RWDD2A: variants seen among roughly 807,000 people sequenced by gnomAD.
RWDD2A encodes the protein RWD domain-containing protein 2A.
In RWDD2A, 15 loss-of-function variants were observed where a neutral mutation model predicts 23.1. The observed-to-expected ratio is 0.65, with a 90% CI of 0.43 to 1.00. The LOEUF (loss-of-function observed/expected upper bound fraction) is 1.00, where lower values mean the gene tolerates loss of function less well. Among genes scored for constraint, RWDD2A ranks in the 50% least tolerant of loss-of-function variants. The probability of loss-of-function intolerance (pLI) is 0.00; values close to 1 mark genes in which losing one functional copy is unlikely to be tolerated. For synonymous variants in RWDD2A, 103 were observed against 123.0 expected, an observed-to-expected ratio of 0.84 and a Z score of 1.08; for missense variants, 310 against 341.7, an observed-to-expected ratio of 0.91 and a Z score of 0.73.
At position 83,197,140 on chromosome 6, in the gene RWDD2A, A is replaced by T. The variant is rs1469825347; in HGVS notation, c.*868A>T. 3 of 152,220 alleles carry T rather than the reference A, an allele frequency of 2.0e-5. No homozygotes were observed. Among genetic ancestry groups the T allele is most frequent in the Non-Finnish European group, 1.5e-5 (1 of 68,038 alleles). The allele number at this position is 152,220 out of a possible 1,614,324, so 9.4% of individuals were successfully genotyped here. ...TTCTGGCTGTTTATATCAGTTCATG[A>T]TACTAGCAATCCTGATACCAGTATT... On this transcript the variant is annotated 3_prime_UTR_variant, in exon 3 of 3. Transcript: ENST00000369724.
Position 83,196,507 on chromosome 6 carries a change from C to A in RWDD2A, c.*235C>A. 3.4e-6 allele frequency: 1 copy of A among 292,738 alleles called. No homozygotes were observed. The highest frequency in any genetic ancestry group is 5.0e-5 in the Admixed American group (1 of 19,868). 18.1% of individuals were successfully genotyped at this position (292,738 alleles called of 1,614,324 possible). The stretch of plus-strand genomic sequence containing the variant: ...GTGTGAAGTCATTCAAAAACTATTT[C>A]ATTGTAAATTAATAAAAACAATCCA... On this transcript the variant is annotated 3_prime_UTR_variant, in exon 3 of 3. Coordinates refer to ENST00000369724, the MANE Select transcript of RWDD2A (RefSeq NM_033411.5).
chr6:83,195,397 A>T (rs1041283369), intron 2 of RWDD2A, among the ~76,000 whole-genome samples, 198 bp from the exon 3 acceptor site: 6 of 152,226 alleles, frequency 3.9e-5, no homozygotes, highest in African/African-American at 1.4e-4. Flanking sequence ...TCACTTTTTT[A>T]TCCCAGCACA....
rs1013513701 is a variant in RWDD2A at position 83,198,639 on chromosome 6, A to G, written c.*2367A>G. 3.9e-5 allele frequency: 6 copies of G among 152,158 alleles called. No individual in the cohort carries two copies. The highest frequency in any genetic ancestry group is 1.2e-4 in the African/African-American group (5 of 41,432). The allele number at this position is 152,158 out of a possible 1,614,324, so 9.4% of individuals were successfully genotyped here. A position where few individuals can be genotyped will look rare whatever the true frequency, so the allele number is the denominator to read the frequency against. ...TGGGAAGAGAAAGTGATAGGAATCA[A>G]GTTGTCCTCTGGCAGCCTCCTGGAG... On this transcript the variant is annotated 3_prime_UTR_variant, in exon 3 of 3. Coordinates refer to ENST00000369724, the MANE Select transcript of RWDD2A (RefSeq NM_033411.5).
At position 83,195,804 on chromosome 6, in the gene RWDD2A, C is replaced by G. The variant is rs1327396121; in HGVS notation, c.411C>G (p.Asn137Lys). The change falls in exon 3 of 3, where the codon AAC (asparagine) becomes AAG (lysine). Residue 137 changes from asparagine to lysine, a missense_variant. Coordinates refer to ENST00000369724, the MANE Select transcript of RWDD2A (RefSeq NM_033411.5). ...LQDNSASYFL[N>K]RKLVYEPSTQ... The stretch of plus-strand genomic sequence containing the variant: ...ACAACAGTGCATCTTATTTCCTGAA[C>G]AGAAAGCTTGTATATGAACCATCTA... 1 of 1,613,906 alleles carries G rather than the reference C, an allele frequency of 6.2e-7. No homozygotes were observed. Among genetic ancestry groups the G allele is most frequent in the Admixed American group, 1.7e-5 (1 of 59,990 alleles).
At position 83,194,445 on chromosome 6, in the gene RWDD2A, A is replaced by G. The variant is rs746162652; in HGVS notation, c.-7A>G. On this transcript the variant is annotated 5_prime_UTR_variant, in exon 2 of 3. Coordinates refer to ENST00000369724, the MANE Select transcript of RWDD2A (RefSeq NM_033411.5). ...GAGGTTTCCAGGCAGGCTGATTGCG[A>G]GGCAACATGTCTGCTTCGGTGAAAG... 93 of 1,612,918 alleles carry G rather than the reference A, an allele frequency of 5.8e-5. No individual in the cohort carries two copies. The highest frequency in any genetic ancestry group is 7.5e-5 in the Non-Finnish European group (88 of 1,179,590).
chr6:83,195,870 G>T lies in RWDD2A; in HGVS notation c.477G>T (p.Trp159Cys). 3 of 1,614,176 alleles carry T rather than the reference G, an allele frequency of 1.9e-6. No individual in the cohort carries two copies. The highest frequency in any genetic ancestry group is 2.5e-6 in the Non-Finnish European group (3 of 1,180,034). ...TCAAGAACACATTCCTCCGAATGTG[G>T]ATCTACAGTCACCATATATATCAGC... ...KPVKNTFLRM[W>C]IYSHHIYQQD... Residue 159 changes from tryptophan to cysteine, a missense_variant, in exon 3 of 3, where the codon TGG (tryptophan) becomes TGT (cysteine). Transcript: ENST00000369724.
Position 83,196,122 on chromosome 6 carries a change from A to G in RWDD2A, c.729A>G (p.Glu243=), listed in dbSNP as rs777034202. 1.2e-6 allele frequency: 2 copies of G among 1,613,964 alleles called. No homozygotes were observed. Among genetic ancestry groups the G allele is most frequent in the African/African-American group, 2.7e-5 (2 of 74,930 alleles). ...ACCTGCGCCTTTTCCATTCTTTTGA[A>G]GAGTTACTCCTTGAGGCTCATGGTG... ...GEDLRLFHSF[E]ELLLEAHGDY... Residue 243 remains glutamate (E), a synonymous_variant, in exon 3 of 3, where the codon GAA becomes GAG. Transcript: ENST00000369724.
At chr6:83,193,721 T>G (rs1190057173) in intron 1 of RWDD2A, 1 of 153,092 alleles carries the variant, frequency 6.5e-6, no homozygotes. Context: ...CCCAAACCTT[T>G]GAATCTGGGA....
Position 83,195,435 on chromosome 6 carries a change from A to G in RWDD2A, c.202-160A>G, listed in dbSNP as rs1045702911. ...GGCACCTGGCACACGTAGTTGTTCA[A>G]TAAATATTGAAATAATGCATAAAAG... On this transcript the variant is annotated intron_variant, in intron 2 of 2. Transcript: ENST00000369724. 6.1e-6 allele frequency: 4 copies of G among 654,458 alleles called. No individual in the cohort carries two copies. In the Admixed American group the frequency reaches 1.2e-4, roughly 20 times the overall value. 40.5% of individuals were successfully genotyped at this position (654,458 alleles called of 1,614,324 possible).
At position 83,196,457 on chromosome 6, in the gene RWDD2A, A is replaced by G; in HGVS notation, c.*185A>G. 1 of 385,114 alleles carries G rather than the reference A, an allele frequency of 2.6e-6. No homozygotes were observed. Among genetic ancestry groups the G allele is most frequent in the East Asian group, 3.8e-5 (1 of 26,104 alleles). 23.9% of individuals were successfully genotyped at this position (385,114 alleles called of 1,614,324 possible). On this transcript the variant is annotated 3_prime_UTR_variant, in exon 3 of 3. Coordinates refer to ENST00000369724, the MANE Select transcript of RWDD2A (RefSeq NM_033411.5). ...GGCCTTTAAACTTTATAACATTGCA[A>G]TTGTGATGTTATCTCTAGGTTTTTG...
In RWDD2A at chr6:83,198,532, A is replaced by G. The variant is rs1437333090; in HGVS notation, c.*2260A>G. 1 of 152,306 alleles carries G rather than the reference A, an allele frequency of 6.6e-6. No homozygotes were observed. The highest frequency in any genetic ancestry group is 2.1e-4 in the South Asian group (1 of 4,828). The allele number at this position is 152,306 out of a possible 1,614,324, so 9.4% of individuals were successfully genotyped here. ...TGTTTGCACAGCCTGATATGAGCAC[A>G]TAATAAAAGTCCGTCATTCCCCAAC... is the stretch of plus-strand genomic sequence containing the variant. On this transcript the variant is annotated 3_prime_UTR_variant, in exon 3 of 3. Transcript: ENST00000369724.
At position 83,194,446 on chromosome 6, in the gene RWDD2A, G is replaced by A. The variant is rs1347136125; in HGVS notation, c.-6G>A. Reference sequence around the variant, plus strand: ...AGGTTTCCAGGCAGGCTGATTGCGAGGCAACATGTCTGCTTCGGTGAAAGA... The same window carrying A: ...AGGTTTCCAGGCAGGCTGATTGCGAAGCAACATGTCTGCTTCGGTGAAAGA... On this transcript the variant is annotated 5_prime_UTR_variant, in exon 2 of 3. Coordinates refer to ENST00000369724, the MANE Select transcript of RWDD2A (RefSeq NM_033411.5). The A allele has an allele frequency of 1.9e-6, 3 of 1,613,172 alleles. No homozygotes were observed. The highest frequency in any genetic ancestry group is 2.5e-6 in the Non-Finnish European group (3 of 1,179,608).
chr6:83,195,901 C>T lies in RWDD2A; in HGVS notation c.508C>T (p.Leu170=), dbSNP rs764324243. 1 of 1,614,128 alleles carries T rather than the reference C, an allele frequency of 6.2e-7. No individual in the cohort carries two copies. Among genetic ancestry groups the T allele is most frequent in the Admixed American group, 1.7e-5 (1 of 60,018 alleles). Residue 170 remains leucine, a synonymous_variant, in exon 3 of 3, where the codon CTA becomes TTA. Transcript: ENST00000369724. ...CAGTCACCATATATATCAGCAGGAC[C>T]TAAGGAAAAAGATTTTGGATGTTGG... ...IYSHHIYQQD[L]RKKILDVGKR...
At chr6:83,193,657 C>T (rs1789379134) in intron 1 of RWDD2A, among the ~76,000 whole-genome samples, 1 of 152,186 alleles carries the variant, frequency 6.6e-6, no homozygotes, top group South Asian at 2.1e-4. Context: ...CGACCTCGCC[C>T]ACAGTGAGCG....
At chr6:83,195,564 G>A (rs574633815) in intron 2 of RWDD2A, 31 bp from the exon 3 acceptor site, 5 of 1,568,380 alleles carry the variant, frequency 3.2e-6, no homozygotes, top group Non-Finnish European at 4.4e-6. Flanking sequence ...TGATGTTATG[G>A]TATTTAAATC....
chr6:83,195,555 G>A, intron 2 of RWDD2A, 40 bp from the exon 3 acceptor site: 1 of 1,534,574 alleles, frequency 6.5e-7, no homozygotes, highest in Non-Finnish European at 9.0e-7. Context: ...TAGCTTATGT[G>A]ATGTTATGGT....
Position 83,195,729 on chromosome 6 carries a change from T to A in RWDD2A, c.336T>A (p.Thr112=). The change falls in exon 3 of 3, where the codon ACT becomes ACA. Residue 112 remains threonine (T), a synonymous_variant. Transcript: ENST00000369724. ...AAGGTCTCACTTCTTACATAGGGAC[T>A]TTTGATCCAGGTGAGCTCTGTGTAT... is the stretch of plus-strand genomic sequence containing the variant. The part of the protein sequence containing the change: ...LNKGLTSYIG[T]FDPGELCVCA... 1.2e-6 allele frequency: 2 copies of A among 1,614,198 alleles called. No individual in the cohort carries two copies. The highest frequency in any genetic ancestry group is 1.7e-6 in the Non-Finnish European group (2 of 1,180,036).
At position 83,193,386 on chromosome 6, in the gene RWDD2A, A is replaced by T. The variant is rs1304481182; in HGVS notation, c.-198A>T. 1 of 152,220 alleles carries T rather than the reference A, an allele frequency of 6.6e-6. No homozygotes were observed. The highest frequency in any genetic ancestry group is 1.5e-5 in the Non-Finnish European group (1 of 68,054). The allele number at this position is 152,220 out of a possible 1,614,324, so 9.4% of individuals were successfully genotyped here. A position where few individuals can be genotyped will look rare whatever the true frequency, so the allele number is the denominator to read the frequency against. On this transcript the variant is annotated 5_prime_UTR_variant, in exon 1 of 3. Coordinates refer to ENST00000369724, the MANE Select transcript of RWDD2A (RefSeq NM_033411.5). ...GTCGCGCGCAGCTGGCGCCTGAGGA[A>T]CTGCGGCTGCGGTTCCGAGCGGGGT...
At position 83,196,138 on chromosome 6, in the gene RWDD2A, G is replaced by A; in HGVS notation, c.745G>A (p.Ala249Thr). ...TTCTTTTGAAGAGTTACTCCTTGAG[G>A]CTCATGGTGACTATGGATTAAGGAA... is the stretch of plus-strand genomic sequence containing the variant. Reference protein sequence around the residue: ...FHSFEELLLEAHGDYGLRNDY... With the variant: ...FHSFEELLLETHGDYGLRNDY... Residue 249 changes from alanine (A) to threonine (T), a missense_variant, in exon 3 of 3, where the codon GCT (alanine) becomes ACT (threonine). By Grantham distance (58) the Ala-to-Thr change is moderately conservative. Transcript: ENST00000369724. The A allele has an allele frequency of 1.2e-6, 2 of 1,614,022 alleles. No individual in the cohort carries two copies. Among genetic ancestry groups the A allele is most frequent in the Non-Finnish European group, 8.5e-7 (1 of 1,179,964 alleles).
Sources: gnomAD v4.1 joint callset for allele counts (sites outside exome capture counted in the v4.1 genomes callset) on GRCh38, gnomAD v4.1.1 for gene constraint, MANE v1.5 for transcripts, NCBI Gene and HGNC (gene_info 2026-07-23, HGNC 2026-07-21) for gene names.